Variants in LCT observed in about 807,000 individuals in gnomAD.
LCT encodes lactase.
Under a neutral mutation model 173.0 loss-of-function variants are expected in LCT, and 90 were observed. The observed-to-expected ratio is 0.52, with a 90% CI of 0.44 to 0.62. The LOEUF is 0.62. Among genes scored for constraint, LCT ranks in the 20% least tolerant of loss-of-function variants. LCT has a pLI of 0.00. For synonymous variants in LCT, 853 were observed against 957.6 expected, an observed-to-expected ratio of 0.89 and a Z score of 2.02; for missense variants, 1,864 against 2,431.4, an observed-to-expected ratio of 0.77 and a Z score of 4.91.
rs745961981 is a variant in LCT, at chr2:135,789,726, C to G, written c.5408G>C (p.Gly1803Ala). The G allele has an allele frequency of 6.2e-7, 1 of 1,614,212 alleles. No individual in the cohort carries two copies. The highest frequency in any genetic ancestry group is 8.5e-7 in the Non-Finnish European group (1 of 1,180,042). Residue 1803 changes from glycine (G) to alanine (A), a missense_variant, in exon 16 of 17, where the codon GGC becomes GCC. Coordinates refer to ENST00000264162, the MANE Select transcript of LCT (RefSeq NM_002299.4). The part of the protein sequence containing the change: ...SAMDNFEWAT[G>A]FSERFGLHFV... ...ATGCAGACCAAATCTCTCTGAAAAG[C>G]CTGTGGCCCACTCAAAATTGTCCAT...
chr2:135,810,198 G>C, intron 7 of LCT: 1 of 560,378 alleles, frequency 1.8e-6, no homozygotes, highest in Admixed American at 3.2e-5. Context: ...TAGTGAGAAG[G>C]GGGAGAAGGG....
At chr2:135,811,247 C>T (rs2077732243) in intron 7 of LCT, among the ~76,000 whole-genome samples, 2 of 151,472 alleles carry the variant, frequency 1.3e-5, no homozygotes, top group African/African-American at 4.8e-5. Context: ...ACATATATTC[C>T]CTGATACAGT....
chr2:135,805,374 T>G (rs1047849168), intron 9 of LCT, among the ~76,000 whole-genome samples: 5 of 152,054 alleles, frequency 3.3e-5, no homozygotes, highest in African/African-American at 1.2e-4. Flanking sequence ...GTCTCGGAAC[T>G]CCCCTGGCTT....
At chr2:135,816,510 G>A (rs866617703) in intron 6 of LCT, among the ~76,000 whole-genome samples, 2 of 152,204 alleles carry the variant, frequency 1.3e-5, no homozygotes, top group Non-Finnish European at 2.9e-5. Flanking sequence ...TAAAGCCAAC[G>A]AGGGGAACAG....
intron 4 of LCT, 31 bp from the exon 5 acceptor site, chr2:135,822,129 G>A: frequency 7.9e-7 from 1 of 1,268,244 alleles, no homozygotes; most frequent in Non-Finnish European, 1.2e-6. Context: ...TTAACTCTAT[G>A]TAAATGCCAA....
intron 9 of LCT, among the ~76,000 whole-genome samples, chr2:135,805,464 G>T (rs1278823217): frequency 6.6e-6 from 1 of 152,148 alleles, no homozygotes; most frequent in Non-Finnish European, 1.5e-5. Context: ...ACCACTAACT[G>T]CCAGGCAAGT....
intron 14 of LCT, 72 bp downstream of exon 14, chr2:135,794,569 C>G (rs960668635): frequency 9.7e-6 from 15 of 1,544,594 alleles, no homozygotes; most frequent in South Asian, 3.3e-5. Flanking sequence ...GGGCAGGCCT[C>G]AGAGAGCACA....
At chr2:135,797,985 C>T in intron 13 of LCT, 44 bp downstream of exon 13, 1 of 1,073,494 alleles carries the variant, frequency 9.3e-7, no homozygotes. Flanking sequence ...GCCTCTGTGA[C>T]CCCGACGCCC....
At chr2:135,833,304 T>C (rs911969499) in intron 1 of LCT, 114 bp from the exon 2 acceptor site, 10 of 803,188 alleles carry the variant, frequency 1.2e-5, no homozygotes, top group Non-Finnish European at 2.2e-5. Flanking sequence ...CAAATGACTT[T>C]ACTCTAGCTG....
chr2:135,829,618 A>T lies in LCT; in HGVS notation c.779T>A (p.Leu260Gln). 3 of 1,613,934 alleles carry T rather than the reference A, an allele frequency of 1.9e-6. No individual in the cohort carries two copies. Among genetic ancestry groups the T allele is most frequent in the Non-Finnish European group, 2.5e-6 (3 of 1,179,788 alleles). ...CTGCAATTTACTCAGCTTCTGCCGC[A>T]GACTTGCCTCATTTTGGCATTCATA... ...LSYECQNEAS[L>Q]RQKLSKLQTI... Residue 260 changes from leucine to glutamine, a missense_variant, in exon 3 of 17, where the codon CTG becomes CAG. By Grantham distance (113) the Leu-to-Gln change is moderately radical. Around this residue, in one of 4 missense-constraint regions of LCT, gnomAD observed 412 missense variants for 462.0 expected, o/e 0.89. Coordinates refer to ENST00000264162, the MANE Select transcript of LCT (RefSeq NM_002299.4).
rs566180503 is a variant in LCT at position 135,791,413 on chromosome 2, C to T, written c.5112-532G>A. Among the ~76,000 whole-genome samples the T allele has an allele frequency of 3.5e-4, 54 of 152,338 alleles. No homozygotes were observed. The East Asian group carries it at 9.8e-3, about 28-fold the overall frequency. On this transcript the variant is annotated intron_variant, in intron 14 of 16. Transcript: ENST00000264162. ...TCCTTCAAGTGTCCAAGAGCCTGGC[C>T]TCTCTCTTCAGTGATGGACGAGGAG...
rs1037426502 is a variant in LCT at position 135,812,545 on chromosome 2, C to T, written c.2119G>A (p.Gly707Arg). The T allele has an allele frequency of 3.1e-6, 5 of 1,614,034 alleles. No individual in the cohort carries two copies. Among genetic ancestry groups the T allele is most frequent in the East Asian group, 2.2e-5 (1 of 44,896 alleles). ...TGGTTCACGTGTTGGGAGAAGCCTCCAATGGTATCATAGCTAGGGATGCAG... is the reference window on the plus strand; with the variant it reads ...TGGTTCACGTGTTGGGAGAAGCCTCTAATGGTATCATAGCTAGGGATGCAG... Reference protein sequence around the residue: ...NTCIPSYDTIGGFSQHVNHVW... With the variant: ...NTCIPSYDTIRGFSQHVNHVW... The change falls in exon 7 of 17, where the codon GGA becomes AGA. Residue 707 changes from glycine (G) to arginine (R), a missense_variant. Around this residue, in one of 4 missense-constraint regions of LCT, gnomAD observed 755 missense variants for 926.3 expected, o/e 0.82. Transcript: ENST00000264162.
chr2:135,832,479 G>A (rs1391245658), intron 2 of LCT, among the ~76,000 whole-genome samples: 4 of 150,896 alleles, frequency 2.7e-5, no homozygotes, highest in East Asian at 2.0e-4. Flanking sequence ...GAGGATATAC[G>A]TACATTTTTA....
At position 135,812,752 on chromosome 2, in the gene LCT, C is replaced by G; in HGVS notation, c.1912G>C (p.Asp638His). ...LGWFAHPVFV[D>H]GDYPATLRTQ... ...CTCAGGGTGGCTGGGTAGTCTCCAT[C>G]CACAAAGACGGGGTGTGCAAACCAG... The change falls in exon 7 of 17, where the codon GAT becomes CAT. Residue 638 changes from aspartate to histidine, a missense_variant. Asp to His is a moderately conservative substitution (Grantham distance 81). Coordinates refer to ENST00000264162, the MANE Select transcript of LCT (RefSeq NM_002299.4). 1 of 1,614,202 alleles carries G rather than the reference C, an allele frequency of 6.2e-7. No homozygotes were observed. Among genetic ancestry groups the G allele is most frequent in the Non-Finnish European group, 8.5e-7 (1 of 1,180,036 alleles).
chr2:135,810,653 TA>T (rs1007625818), intron 7 of LCT, among the ~76,000 whole-genome samples: 23 of 151,534 alleles, frequency 1.5e-4, no homozygotes, highest in African/African-American at 5.6e-4. Flanking sequence ...ATATTGACAT[TA>T]AGTGACAACA....
At chr2:135,798,263 C>T (rs2077599194) in intron 12 of LCT, 125 bp from the exon 13 acceptor site, 1 of 719,454 alleles carries the variant, frequency 1.4e-6, no homozygotes, top group East Asian at 2.6e-5. Flanking sequence ...CCAGGTTAAG[C>T]TCTCTTCCCT....
intron 3 of LCT, among the ~76,000 whole-genome samples, chr2:135,827,697 T>C (rs2105552767): frequency 6.6e-6 from 1 of 152,324 alleles, no homozygotes; most frequent in East Asian, 1.9e-4. Flanking sequence ...TTTGTGCTCC[T>C]ATCTAATATG....
intron 1 of LCT, among the ~76,000 whole-genome samples, chr2:135,833,751 A>C (rs2077960817): frequency 6.6e-6 from 1 of 151,836 alleles, no homozygotes; most frequent in African/African-American, 2.4e-5. Context: ...CGGCCATCTT[A>C]ACTATTTTTA....
chr2:135,821,629 C>G (rs2077831791), intron 5 of LCT: 2 of 255,496 alleles, frequency 7.8e-6, no homozygotes, highest in Non-Finnish European at 1.5e-5. Flanking sequence ...CATAGGCATG[C>G]ACCACTATGC....
Sources: gnomAD v4.1 joint callset for allele counts (sites outside exome capture counted in the v4.1 genomes callset) on GRCh38, gnomAD v4.1.1 for gene constraint, gnomAD v4.1.1 regional missense constraint, MANE v1.5 for transcripts, NCBI Gene and HGNC (gene_info 2026-07-23, HGNC 2026-07-21) for gene names.